The following ULK2 variants were observed in gnomAD, a reference collection of about 807,000 sequenced individuals.
The protein encoded by ULK2 is serine/threonine-protein kinase ULK2.
ULK2 carries 76 observed loss-of-function variants against 127.5 expected under a neutral mutation model. The ratio of observed to expected loss-of-function variants is 0.60; its 90% CI spans 0.50 to 0.72. The LOEUF (loss-of-function observed/expected upper bound fraction) is 0.72, where lower values mean the gene tolerates loss of function less well. Among genes scored for constraint, ULK2 ranks in the 30% least tolerant of loss-of-function variants. The pLI, the probability that ULK2 is intolerant of heterozygous loss-of-function variation, is 0.00. For missense variants in ULK2, 1,144 were observed against 1,295.9 expected, an observed-to-expected ratio of 0.88 and a Z score of 1.80; for synonymous variants, 452 against 461.9, an observed-to-expected ratio of 0.98 and a Z score of 0.28.
Position 19,773,773 on chromosome 17 carries a change from G to A in ULK2, c.*2576C>T, listed in dbSNP as rs2086769164. 6.6e-6 allele frequency: 1 copy of A among 152,128 alleles called. No homozygotes were observed. The highest frequency in any genetic ancestry group is 2.4e-5 in the African/African-American group (1 of 41,404). The allele number at this position is 152,128 out of a possible 1,614,324, so 9.4% of individuals were successfully genotyped here. On this transcript the variant is annotated 3_prime_UTR_variant, in exon 27 of 27. Transcript: ENST00000395544. ...CCAGACACTTAAGATGCATGGGTTTGGGGTACCCATTCCAGGCCTCATGTC... is the reference window on the plus strand; with the variant it reads ...CCAGACACTTAAGATGCATGGGTTTAGGGTACCCATTCCAGGCCTCATGTC...
Position 19,826,160 on chromosome 17 carries a change from C to A in ULK2, c.814G>T (p.Glu272Ter). The A allele has an allele frequency of 6.8e-7, 1 of 1,469,062 alleles. No homozygotes were observed. The allele number at this position is 1,469,062 out of a possible 1,614,324, so 91.0% of individuals were successfully genotyped here. A position where few individuals can be genotyped will look rare whatever the true frequency, so the allele number is the denominator to read the frequency against. ...FEAFFSHPFL[E>*]QGPVKKSCPV... Reference sequence around the variant, plus strand: ...TCACATTTTTTTACTGGACCTTGCTCAAGAAAAGGATGGCTAAAAAATGCT... The same window carrying A: ...TCACATTTTTTTACTGGACCTTGCTAAAGAAAAGGATGGCTAAAAAATGCT... The change falls in exon 11 of 27, where the codon GAG becomes TAG. Residue 272 changes from glutamate (E) to a stop codon, truncating the protein, a stop_gained. Coordinates refer to ENST00000395544, the MANE Select transcript of ULK2 (RefSeq NM_014683.4). LOFTEE classifies it high-confidence loss of function.
chr17:19,788,481 G>A (rs1235628468), intron 20 of ULK2, among the ~76,000 whole-genome samples: 1 of 151,800 alleles, frequency 6.6e-6, no homozygotes, highest in African/African-American at 2.4e-5. Context: ...TGAACTCACT[G>A]GCCTTGAAAA....
chr17:19,796,327 G>A (rs767907963), intron 18 of ULK2, 45 bp from the exon 19 acceptor site: 9 of 1,500,782 alleles, frequency 6.0e-6, no homozygotes, highest in Admixed American at 4.1e-5. Context: ...TAGTTAATAC[G>A]ATGCATGAAC....
intron 23 of ULK2, among the ~76,000 whole-genome samples, chr17:19,781,367 G>A (rs1158473252): frequency 5.4e-5 from 8 of 149,420 alleles, no homozygotes; most frequent in Non-Finnish European, 1.0e-4. Context: ...TCAGCCTCCC[G>A]AATATTAATA....
intron 14 of ULK2, among the ~76,000 whole-genome samples, chr17:19,808,970 C>T (rs911032979): frequency 6.6e-6 from 1 of 152,214 alleles, no homozygotes; most frequent in African/African-American, 2.4e-5. Flanking sequence ...GATATTTACA[C>T]ACTCATGTTT....
chr17:19,829,768 G>A (rs550106980), intron 10 of ULK2, among the ~76,000 whole-genome samples: 66 of 150,400 alleles, frequency 4.4e-4, no homozygotes, highest in Admixed American at 1.2e-3. Context: ...CCTAGGAGGC[G>A]GAGGTTGTTG....
rs75871414 is a variant in ULK2, at chr17:19,845,231, C to G, written c.543+73G>C. 1,995 of 1,290,842 alleles carry G rather than the reference C, an allele frequency of 1.5e-3. 42 individuals are homozygous for G. The East Asian group carries it at 0.043, about 28-fold the overall frequency. The allele number at this position is 1,290,842 out of a possible 1,614,324, so 80.0% of individuals were successfully genotyped here. On this transcript the variant is annotated intron_variant, in intron 7 of 26. Coordinates refer to ENST00000395544, the MANE Select transcript of ULK2 (RefSeq NM_014683.4). ...TGTAAAATCACATCTTATTTGGAAGCACGCATTATATTTAAATTCCAATGA... is the reference window on the plus strand; with the variant it reads ...TGTAAAATCACATCTTATTTGGAAGGACGCATTATATTTAAATTCCAATGA...
Position 19,795,961 on chromosome 17 carries a change from C to T in ULK2, c.1997+134G>A, listed in dbSNP as rs1371090367. 59 of 1,251,760 alleles carry T rather than the reference C, an allele frequency of 4.7e-5. No individual in the cohort carries two copies. The South Asian group carries it at 5.4e-4, about 12-fold the overall frequency. The allele number at this position is 1,251,760 out of a possible 1,614,324, so 77.5% of individuals were successfully genotyped here. ...GTGGTTTTCAGAGATTCTAAATGTA[C>T]GTGGTACATATCAATAACCATATGG... is the stretch of plus-strand genomic sequence containing the variant. On this transcript the variant is annotated intron_variant, in intron 19 of 26. Coordinates refer to ENST00000395544, the MANE Select transcript of ULK2 (RefSeq NM_014683.4).
At chr17:19,848,139 TA>T (rs2041931806) in intron 5 of ULK2, 1 of 151,990 alleles carries the variant, frequency 6.6e-6, no homozygotes, top group Non-Finnish European at 1.5e-5. Flanking sequence ...ATATTTATAT[TA>T]AAAAAAGAAA....
chr17:19,801,896 G>A lies in ULK2; in HGVS notation c.1322C>T (p.Thr441Ile). The change falls in exon 16 of 27, where the codon ACC becomes ATC. Residue 441 changes from threonine to isoleucine, a missense_variant. Thr to Ile is a moderately conservative substitution (Grantham distance 89). Transcript: ENST00000395544. ...PRSAVVRRSN[T>I]SPMGFLRPGS... ...CGGCCGGAGGAAGCCCATGGGGCTGGTGTTGGACCTTCGTACCACTGCAGA... is the reference window on the plus strand; with the variant it reads ...CGGCCGGAGGAAGCCCATGGGGCTGATGTTGGACCTTCGTACCACTGCAGA... 2 of 1,612,796 alleles carry A rather than the reference G, an allele frequency of 1.2e-6. No homozygotes were observed. The highest frequency in any genetic ancestry group is 2.2e-5 in the East Asian group (1 of 44,876).
rs988062506 is a variant in ULK2, at chr17:19,849,255, T to C, written c.295+114A>G. On this transcript the variant is annotated intron_variant, in intron 5 of 26. Coordinates refer to ENST00000395544, the MANE Select transcript of ULK2 (RefSeq NM_014683.4). ...AGTCAAACAAATACACAAATATTTA[T>C]TGAATGTTTCTATACAAGAGCAGAA... 56 of 882,224 alleles carry C rather than the reference T, an allele frequency of 6.3e-5. 1 individual carries two copies. The highest frequency in any genetic ancestry group is 1.9e-4 in the Admixed American group (7 of 37,830). 54.6% of individuals were successfully genotyped at this position (882,224 alleles called of 1,614,324 possible). A position where few individuals can be genotyped will look rare whatever the true frequency, so the allele number is the denominator to read the frequency against.
intron 15 of ULK2, among the ~76,000 whole-genome samples, chr17:19,804,418 T>C (rs1460456404): frequency 1.3e-5 from 2 of 151,954 alleles, no homozygotes; most frequent in South Asian, 2.1e-4. Context: ...TTCTTAAAAG[T>C]AATTATACAT....
chr17:19,822,027 A>C (rs999844200), intron 12 of ULK2, among the ~76,000 whole-genome samples: 3 of 151,314 alleles, frequency 2.0e-5, no homozygotes, highest in Non-Finnish European at 4.4e-5. Context: ...GAAAGTCACA[A>C]AGTCTTGCTC....
intron 12 of ULK2, among the ~76,000 whole-genome samples, chr17:19,822,985 CG>C (rs1567702833): frequency 6.7e-6 from 1 of 149,426 alleles, no homozygotes; most frequent in Non-Finnish European, 1.5e-5. Flanking sequence ...CACACCCAGC[CG>C]GATTTTTTTT....
chr17:19,789,605 G>T (rs1393864113), intron 20 of ULK2, among the ~76,000 whole-genome samples: 2 of 152,136 alleles, frequency 1.3e-5, no homozygotes, highest in Non-Finnish European at 2.9e-5. Flanking sequence ...CTTTCAGACA[G>T]AGAATTCAAA....
chr17:19,829,548 A>AGG (rs57054467), intron 10 of ULK2, among the ~76,000 whole-genome samples: 2,020 of 25,568 alleles, frequency 0.079, 243 homozygotes, highest in East Asian at 0.21. Context: ...GAAAAAAAAA[A>AGG]GGGGGGGGGC....
rs1279683424 is a variant in ULK2, at chr17:19,774,508, T to G, written c.*1841A>C. On this transcript the variant is annotated 3_prime_UTR_variant, in exon 27 of 27. Coordinates refer to ENST00000395544, the MANE Select transcript of ULK2 (RefSeq NM_014683.4). The stretch of plus-strand genomic sequence containing the variant: ...CAACTGAGATAACACAGGTGATAAC[T>G]GAAAGAACATGAATGAAATTTCACT... 1 of 152,158 alleles carries G rather than the reference T, an allele frequency of 6.6e-6. No homozygotes were observed. Among genetic ancestry groups the G allele is most frequent in the African/African-American group, 2.4e-5 (1 of 41,448 alleles). 9.4% of individuals were successfully genotyped at this position (152,158 alleles called of 1,614,324 possible). A position where few individuals can be genotyped will look rare whatever the true frequency, so the allele number is the denominator to read the frequency against.
intron 3 of ULK2, among the ~76,000 whole-genome samples, chr17:19,853,503 C>T (rs1169504027): frequency 1.3e-5 from 2 of 151,954 alleles, no homozygotes; most frequent in Non-Finnish European, 2.9e-5. Context: ...ATTCTCCACC[C>T]CTCAGGCAGT....
intron 7 of ULK2, among the ~76,000 whole-genome samples, chr17:19,843,858 C>A (rs1375538099): frequency 6.6e-6 from 1 of 151,904 alleles, no homozygotes; most frequent in Non-Finnish European, 1.5e-5. Flanking sequence ...CAAGGTTTCA[C>A]CATGTTGGCC....
Sources: allele counts gnomAD v4.1 joint callset (sites outside exome capture counted in the v4.1 genomes callset), GRCh38; gene constraint gnomAD v4.1.1; transcripts MANE v1.5; gene names NCBI Gene and HGNC (gene_info 2026-07-23, HGNC 2026-07-21).